RARG: variants seen among roughly 807,000 people sequenced by gnomAD.
RARG encodes the protein retinoic acid receptor gamma.
Under a neutral mutation model 43.7 loss-of-function variants are expected in RARG, and 17 were observed. The ratio of observed to expected loss-of-function variants is 0.39; its 90% CI spans 0.27 to 0.58. The LOEUF (loss-of-function observed/expected upper bound fraction) is 0.58. Among genes scored for constraint, RARG ranks in the 20% least tolerant of loss-of-function variants. The probability of loss-of-function intolerance (pLI) is 0.57; values close to 1 mark genes in which losing one functional copy is unlikely to be tolerated. For missense variants in RARG, 346 were observed against 598.7 expected (o/e 0.58, Z 4.40); for synonymous variants, 238 against 236.4 (o/e 1.01, Z -0.06).
intron 3 of RARG, among the ~76,000 whole-genome samples, chr12:53,226,429 G>A (rs1943108042): frequency 1.3e-5 from 2 of 152,198 alleles, no homozygotes; most frequent in African/African-American, 4.8e-5. Flanking sequence ...CCAGGTTCAA[G>A]CGATTCTCCT....
intron 9 of RARG, among the ~76,000 whole-genome samples, chr12:53,212,669 G>C (rs1942626316): frequency 6.6e-6 from 1 of 151,342 alleles, no homozygotes; most frequent in South Asian, 2.1e-4. Context: ...GTGAAGAATA[G>C]CCCAGTTTAC....
rs1942743407 is a variant in RARG at position 53,215,792 on chromosome 12, C to T, written c.187G>A (p.Val63Met). Residue 63 changes from valine (V) to methionine (M), a missense_variant and splice_region_variant, in exon 4 of 10, where the codon GTG (valine) becomes ATG (methionine). Val to Met is a conservative substitution (Grantham distance 21). Coordinates refer to ENST00000425354, the MANE Select transcript of RARG (RefSeq NM_000966.6). The surrounding 1 kb of genome is among the most constrained non-coding windows in gnomAD (Gnocchi z 6.4). ...DLPKEMASLS[V>M]ETQSTSSEEM... is the part of the protein sequence containing the mutation. The stretch of plus-strand genomic sequence containing the variant: ...TCTGAGCTGGTGCTCTGTGTCTCCA[C>T]CGCTGGGAGGGAAGCAGTGATGTGA... 1 of 1,601,752 alleles carries T rather than the reference C, an allele frequency of 6.2e-7. No individual in the cohort carries two copies. Among genetic ancestry groups the T allele is most frequent in the Non-Finnish European group, 8.5e-7 (1 of 1,173,110 alleles).
chr12:53,216,871 G>A (rs1942787281), intron 3 of RARG, among the ~76,000 whole-genome samples: 2 of 149,380 alleles, frequency 1.3e-5, no homozygotes, highest in African/African-American at 5.0e-5. Context: ...CGTGTGGTTG[G>A]TCTTCAGAGG....
At position 53,213,257 on chromosome 12, in the gene RARG, T is replaced by C; in HGVS notation, c.1019-14A>G. ...GGTCCATGCGGTCTATGGGGACAAG[T>C]ATACTGGAGTGAGAGGGGAAGGAAG... On this transcript the variant is annotated splice_polypyrimidine_tract_variant and intron_variant, in intron 8 of 9. Transcript: ENST00000425354. This position sits in a 1 kb window ranked among gnomAD's most constrained non-coding sequence, Gnocchi z 4.7. 3 of 1,551,474 alleles carry C rather than the reference T, an allele frequency of 1.9e-6. No individual in the cohort carries two copies. Among genetic ancestry groups the C allele is most frequent in the Non-Finnish European group, 2.7e-6 (3 of 1,126,344 alleles).
At chr12:53,222,342 C>G (rs1176872835) in intron 3 of RARG, among the ~76,000 whole-genome samples, 1 of 152,136 alleles carries the variant, frequency 6.6e-6, no homozygotes, top group East Asian at 1.9e-4. Flanking sequence ...GAATCAGAAT[C>G]TGACCAGCAG....
At chr12:53,221,684 G>T (rs1022848374) in intron 3 of RARG, among the ~76,000 whole-genome samples, 5 of 151,406 alleles carry the variant, frequency 3.3e-5, no homozygotes, top group African/African-American at 9.7e-5. Flanking sequence ...CGAATGGGGG[G>T]ACCCTGGCCC....
chr12:53,212,733 T>TACACACAC (rs1168228129), intron 9 of RARG, among the ~76,000 whole-genome samples: 34 of 130,880 alleles, frequency 2.6e-4, no homozygotes, highest in African/African-American at 9.9e-4. Flanking sequence ...TCTAAATATA[T>TACACACAC]ATATACACAC....
chr12:53,212,735 TATACACACACACACAC>T (rs1471869146), intron 9 of RARG, among the ~76,000 whole-genome samples: 9 of 136,940 alleles, frequency 6.6e-5, no homozygotes, highest in African/African-American at 2.5e-4. Flanking sequence ...TAAATATATA[TATACACACACACACAC>T]ACACACACAC....
At chr12:53,223,375 CAGA>C (rs763128546) in intron 3 of RARG, among the ~76,000 whole-genome samples, 24 of 150,190 alleles carry the variant, frequency 1.6e-4, no homozygotes, top group Non-Finnish European at 3.5e-4. Context: ...AGCAGAAGAG[CAGA>C]AGAATAGCGA....
intron 3 of RARG, among the ~76,000 whole-genome samples, chr12:53,218,342 T>C (rs539258455): frequency 1.3e-5 from 2 of 152,170 alleles, no homozygotes; most frequent in South Asian, 4.2e-4. Flanking sequence ...CTCAAAAACC[T>C]AGGGCCAGTC....
rs780070434 is a variant in RARG, at chr12:53,211,910, T to C, written c.1178-47A>G. ...AGAGGCTCAGGAGGACAGAGGCACA[T>C]GGCCCTTAAGGCCATCTCCCTAACC... is the stretch of plus-strand genomic sequence containing the variant. On this transcript the variant is annotated intron_variant, in intron 9 of 9. Transcript: ENST00000425354. This position sits in a 1 kb window ranked among gnomAD's most constrained non-coding sequence, Gnocchi z 4.6. The C allele has an allele frequency of 3.0e-6, 4 of 1,348,108 alleles. No individual in the cohort carries two copies. In the African/African-American group the frequency reaches 4.6e-5, roughly 15 times the overall value. The allele number at this position is 1,348,108 out of a possible 1,614,324, so 83.5% of individuals were successfully genotyped here. A position where few individuals can be genotyped will look rare whatever the true frequency, so the allele number is the denominator to read the frequency against.
chr12:53,217,639 C>G (rs1942815535), intron 3 of RARG, among the ~76,000 whole-genome samples: 1 of 152,180 alleles, frequency 6.6e-6, no homozygotes, highest in Non-Finnish European at 1.5e-5. Flanking sequence ...GAGGTCAAGG[C>G]CCCAGAAAGC....
chr12:53,213,447 T>C lies in RARG; in HGVS notation c.1018+49A>G, dbSNP rs1942667179. 1 of 1,583,938 alleles carries C rather than the reference T, an allele frequency of 6.3e-7. No individual in the cohort carries two copies. The highest frequency in any genetic ancestry group is 8.6e-7 in the Non-Finnish European group (1 of 1,157,370). On this transcript the variant is annotated intron_variant, in intron 8 of 9. Coordinates refer to ENST00000425354, the MANE Select transcript of RARG (RefSeq NM_000966.6). The surrounding 1 kb of genome is among the most constrained non-coding windows in gnomAD (Gnocchi z 4.7). ...CCCAGACAGATTCCGCATGGAGTGG[T>C]GGGAAAGGAGACTGAGCACTGAGCA...
chr12:53,214,452 A>G lies in RARG; in HGVS notation c.630T>C (p.Tyr210=). The change falls in exon 6 of 10, where the codon TAT becomes TAC. Residue 210 remains tyrosine (Y), a synonymous_variant. Transcript: ENST00000425354. ...TFPSLCQLGK[Y]TTNSSADHRV... ...GGCTCTGCCCATTCCTCACCGTGGTATACTTGCCCAGCTGGCAGAGCGAGG... is the reference window on the plus strand; with the variant it reads ...GGCTCTGCCCATTCCTCACCGTGGTGTACTTGCCCAGCTGGCAGAGCGAGG... 1 of 1,612,886 alleles carries G rather than the reference A, an allele frequency of 6.2e-7. No homozygotes were observed. The highest frequency in any genetic ancestry group is 1.7e-4 in the Middle Eastern group (1 of 6,010).
At chr12:53,212,307 A>AG (rs1373911136) in intron 9 of RARG, among the ~76,000 whole-genome samples, 1 of 152,260 alleles carries the variant, frequency 6.6e-6, no homozygotes. Flanking sequence ...AATGATAGGA[A>AG]TACAGTAGTC....
chr12:53,231,317 G>A (rs1943231750), intron 1 of RARG, 82 bp from the exon 2 acceptor site: 2 of 152,250 alleles, frequency 1.3e-5, no homozygotes, highest in African/African-American at 4.8e-5. Context: ...CTCTTTCTTT[G>A]TTCCATTTGG....
chr12:53,212,788 A>G (rs1039102237), intron 9 of RARG, among the ~76,000 whole-genome samples: 3 of 150,612 alleles, frequency 2.0e-5, no homozygotes, highest in African/African-American at 7.4e-5. Flanking sequence ...ACATACTTGG[A>G]ATTGTGCTGA....
chr12:53,217,073 G>A (rs545650831), intron 3 of RARG, among the ~76,000 whole-genome samples: 5 of 152,148 alleles, frequency 3.3e-5, no homozygotes, highest in South Asian at 2.1e-4. Flanking sequence ...CCAGAAGGGC[G>A]GAAGGAATGC....
chr12:53,217,701 C>T (rs1448239475), intron 3 of RARG, among the ~76,000 whole-genome samples: 1 of 152,230 alleles, frequency 6.6e-6, no homozygotes, highest in Non-Finnish European at 1.5e-5. Context: ...GCTTAGACCC[C>T]ACCATTGGGA....
Sources: allele counts gnomAD v4.1 joint callset (sites outside exome capture counted in the v4.1 genomes callset), GRCh38; gene constraint gnomAD v4.1.1; non-coding constraint Gnocchi (gnomAD v3.1); transcripts MANE v1.5; gene names NCBI Gene and HGNC (gene_info 2026-07-23, HGNC 2026-07-21).